ANXA1: variants seen among roughly 807,000 people sequenced by gnomAD.
ANXA1 encodes the protein annexin A1.
Under a neutral mutation model 47.9 loss-of-function variants are expected in ANXA1, and 39 were observed. That is an observed-to-expected ratio of 0.81 (90% CI 0.63 to 1.06). ANXA1 has a LOEUF of 1.06. Among genes scored for constraint, ANXA1 ranks in the 50% least tolerant of loss-of-function variants. The pLI is 0.00. For missense variants in ANXA1, 446 were observed against 422.7 expected, an observed-to-expected ratio of 1.06 and a Z score of -0.48; for synonymous variants, 146 against 142.5, an observed-to-expected ratio of 1.02 and a Z score of -0.17.
chr9:73,159,964 GCA>G (rs1273246046), intron 4 of ANXA1: 1 of 213,432 alleles, frequency 4.7e-6, no homozygotes, highest in East Asian at 9.9e-5. Flanking sequence ...TTTTCTGTTA[GCA>G]CACAGTCCTC....
intron 8 of ANXA1, 143 bp downstream of exon 8, chr9:73,163,675 C>A: frequency 1.4e-6 from 1 of 734,188 alleles, no homozygotes. Context: ...TGAGGCATGT[C>A]TTTCTGTAGC....
At chr9:73,164,357 T>C (rs947113380) in intron 8 of ANXA1, among the ~76,000 whole-genome samples, 1 of 152,102 alleles carries the variant, frequency 6.6e-6, no homozygotes, top group African/African-American at 2.4e-5. Flanking sequence ...ACATTGAAGG[T>C]TTTATCATTT....
Position 73,158,803 on chromosome 9 carries a change from GGTAAC to G in ANXA1, c.175+3_175+7del. ...CTTGCATAAGGCCATAATGGTTAAA[GGTAAC>G]GTGTTTCCTCAAAACAGTTCCCTCC... On this transcript the variant is annotated splice_donor_variant and splice_donor_5th_base_variant and intron_variant, in intron 3 of 12. Coordinates refer to ENST00000257497, the MANE Select transcript of ANXA1 (RefSeq NM_000700.3). LOFTEE classifies it high-confidence loss of function. 1 of 1,612,670 alleles carries G rather than the reference GGTAAC, an allele frequency of 6.2e-7. No homozygotes were observed.
At chr9:73,160,567 C>T (rs10119654) in intron 5 of ANXA1, among the ~76,000 whole-genome samples, 191 bp downstream of exon 5, 4,904 of 152,208 alleles carry the variant, frequency 0.032, 287 homozygotes, top group African/African-American at 0.11. Flanking sequence ...CTAACACCTT[C>T]CATGTCATGT....
intron 5 of ANXA1, 111 bp downstream of exon 5, chr9:73,160,487 G>A: frequency 1.5e-6 from 1 of 684,580 alleles, no homozygotes; most frequent in Non-Finnish European, 2.4e-6. Context: ...ATCAGTGGGA[G>A]TTTGAAGAAT....
At chr9:73,168,451 G>A (rs1371228463) in intron 11 of ANXA1, 2 of 152,188 alleles carry the variant, frequency 1.3e-5, no homozygotes, top group Non-Finnish European at 2.9e-5. Flanking sequence ...ATAGAAATGA[G>A]CCAGATGAGG....
intron 1 of ANXA1, among the ~76,000 whole-genome samples, chr9:73,157,451 C>A (rs1824065741): frequency 6.6e-6 from 1 of 151,782 alleles, no homozygotes; most frequent in Admixed American, 6.6e-5. Context: ...GTCATGAGTT[C>A]AAAATCAGCC....
In ANXA1 at chr9:73,167,436, C is replaced by T. The variant is rs866942919; in HGVS notation, c.803-61C>T. 178 of 1,477,740 alleles carry T rather than the reference C, an allele frequency of 1.2e-4. No individual in the cohort carries two copies. The African/African-American group carries it at 2.2e-3, about 18-fold the overall frequency. 91.5% of individuals were successfully genotyped at this position (1,477,740 alleles called of 1,614,324 possible). A position where few individuals can be genotyped will look rare whatever the true frequency, so the allele number is the denominator to read the frequency against. Reference sequence around the variant, plus strand: ...AAAATTCTATATTTCCTGTTTCTTTCATATGGATATTTCATTTTTTTCATG... The same window carrying T: ...AAAATTCTATATTTCCTGTTTCTTTTATATGGATATTTCATTTTTTTCATG... On this transcript the variant is annotated intron_variant, in intron 10 of 12. Transcript: ENST00000257497.
chr9:73,161,193 A>G (rs1158792996), intron 6 of ANXA1, among the ~76,000 whole-genome samples: 1 of 152,110 alleles, frequency 6.6e-6, no homozygotes, highest in Non-Finnish European at 1.5e-5. Context: ...CAGAGCATTG[A>G]ATTTTTAAAA....
In ANXA1 at chr9:73,162,775, T is replaced by C; in HGVS notation, c.476-7T>C. On this transcript the variant is annotated splice_region_variant and splice_polypyrimidine_tract_variant and intron_variant, in intron 6 of 12. Coordinates refer to ENST00000257497, the MANE Select transcript of ANXA1 (RefSeq NM_000700.3). Reference sequence around the variant, plus strand: ...TTACTATAAAATCTATTTTTCTTTTTTCTCAGAACTGAAGAGAGATCTGGC... The same window carrying C: ...TTACTATAAAATCTATTTTTCTTTTCTCTCAGAACTGAAGAGAGATCTGGC... 1 of 1,604,262 alleles carries C rather than the reference T, an allele frequency of 6.2e-7. No homozygotes were observed. Among genetic ancestry groups the C allele is most frequent in the Non-Finnish European group, 8.5e-7 (1 of 1,174,906 alleles).
intron 10 of ANXA1, 145 bp from the exon 11 acceptor site, chr9:73,167,352 T>C (rs1028510215): frequency 1.5e-6 from 1 of 649,812 alleles, no homozygotes; most frequent in Non-Finnish European, 2.7e-6. Flanking sequence ...AGAAGTTAAC[T>C]GCCCTATATT....
intron 1 of ANXA1, among the ~76,000 whole-genome samples, chr9:73,153,148 T>C (rs190371447): frequency 6.6e-6 from 1 of 152,314 alleles, no homozygotes; most frequent in Non-Finnish European, 1.5e-5. Context: ...ATCCAGCACA[T>C]AGCCAACATT....
At chr9:73,154,459 A>ATAACAAGACTCTGTCGG in intron 1 of ANXA1, 1 of 962,066 alleles carries the variant, frequency 1.0e-6, no homozygotes, top group Non-Finnish European at 1.4e-6. Flanking sequence ...TCTTCCCGAC[A>ATAACAAGACTCTGTCGG]GAGTCTTGTT....
At chr9:73,153,899 G>T (rs1824007362) in intron 1 of ANXA1, among the ~76,000 whole-genome samples, 1 of 152,178 alleles carries the variant, frequency 6.6e-6, no homozygotes, top group Non-Finnish European at 1.5e-5. Flanking sequence ...ACAGAAAGGT[G>T]GGGCTGGTGT....
rs144643143 is a variant in ANXA1 at position 73,165,171 on chromosome 9, C to A, written c.668C>A (p.Thr223Asn). ...GGGACAGACGTAAACGTGTTCAATA[C>A]CATCCTTACCACCAGAAGCTATCCA... ...RKGTDVNVFNTILTTRSYPQL... is the reference protein window; with the variant it reads ...RKGTDVNVFNNILTTRSYPQL... Residue 223 changes from threonine to asparagine, a missense_variant, in exon 9 of 13, where the codon ACC (threonine) becomes AAC (asparagine). Physicochemically the swap from Thr to Asn is moderately conservative, Grantham distance 65 (BLOSUM62 0). Coordinates refer to ENST00000257497, the MANE Select transcript of ANXA1 (RefSeq NM_000700.3). The A allele has an allele frequency of 2.1e-4, 339 of 1,612,780 alleles. 1 individual carries two copies. In the East Asian group the frequency reaches 4.9e-3, roughly 23 times the overall value.
chr9:73,154,372 C>T (rs779248479), intron 1 of ANXA1: 2 of 1,364,248 alleles, frequency 1.5e-6, no homozygotes, highest in South Asian at 1.1e-5. Context: ...CTGATCATGT[C>T]ATTTTCTTTT....
intron 10 of ANXA1, among the ~76,000 whole-genome samples, chr9:73,166,514 T>C (rs1053625639): frequency 2.0e-5 from 3 of 152,140 alleles, no homozygotes; most frequent in African/African-American, 7.2e-5. Flanking sequence ...GGATCTGGAA[T>C]AAATGTAACA....
Position 73,167,537 on chromosome 9 carries a change from G to A in ANXA1, c.843G>A (p.Lys281=). The change falls in exon 11 of 13, where the codon AAG becomes AAA. Residue 281 remains lysine (K), a synonymous_variant. Coordinates refer to ENST00000257497, the MANE Select transcript of ANXA1 (RefSeq NM_000700.3). Reference sequence around the variant, plus strand: ...GCAAACCAGCTTTCTTTGCAGAGAAGCTTCATCAAGCCATGAAAGTATGTA... The same window carrying A: ...GCAAACCAGCTTTCTTTGCAGAGAAACTTCATCAAGCCATGAAAGTATGTA... The part of the protein sequence containing the change: ...ATSKPAFFAE[K]LHQAMKGVGT... The A allele has an allele frequency of 6.2e-7, 1 of 1,613,328 alleles. No homozygotes were observed. The highest frequency in any genetic ancestry group is 8.5e-7 in the Non-Finnish European group (1 of 1,179,488).
chr9:73,153,537 A>C (rs925816321), intron 1 of ANXA1, among the ~76,000 whole-genome samples: 1 of 152,226 alleles, frequency 6.6e-6, no homozygotes, highest in Non-Finnish European at 1.5e-5. Flanking sequence ...AATGGATCTT[A>C]GATGATAATT....
Sources: gnomAD v4.1 joint callset for allele counts (sites outside exome capture counted in the v4.1 genomes callset) on GRCh38, gnomAD v4.1.1 for gene constraint, MANE v1.5 for transcripts, NCBI Gene and HGNC (gene_info 2026-07-23, HGNC 2026-07-21) for gene names.